Variants in SLC35F3 observed in about 807,000 individuals in gnomAD.
SLC35F3 encodes the protein putative thiamine transporter SLC35F3.
In SLC35F3, 25 loss-of-function variants were observed where a neutral mutation model predicts 49.9. That is an observed-to-expected ratio of 0.50 (90% CI 0.37 to 0.70). The LOEUF is 0.70. Ranked by LOEUF, SLC35F3 falls within the 30% of genes least tolerant of loss-of-function variation. The pLI is 0.00. For synonymous variants in SLC35F3, 275 were observed against 265.4 expected (o/e 1.04, Z -0.35); for missense variants, 525 against 639.8 (o/e 0.82, Z 1.94).
chr1:233,963,431 G>A lies in SLC35F3; in HGVS notation c.283+57673G>A, dbSNP rs561624001. Reference sequence around the variant, plus strand: ...TTCTTCTGCCTCAGCCTCCCAAGTAGCTGGTACTACAGGAACCCGCCACCA... The same window carrying A: ...TTCTTCTGCCTCAGCCTCCCAAGTAACTGGTACTACAGGAACCCGCCACCA... On this transcript the variant is annotated intron_variant, in intron 2 of 7. Transcript: ENST00000366618. Among the ~76,000 whole-genome samples the A allele has an allele frequency of 1.1e-3, 168 of 152,054 alleles. 1 individual carries two copies. The highest frequency in any genetic ancestry group is 3.6e-3 in the African/African-American group (151 of 41,484).
At chr1:233,994,073 C>T (rs1168975707) in intron 2 of SLC35F3, among the ~76,000 whole-genome samples, 1 of 152,184 alleles carries the variant, frequency 6.6e-6, no homozygotes, top group Non-Finnish European at 1.5e-5. Flanking sequence ...GAGTCAAAGG[C>T]CAAGTTCCTG....
intron 2 of SLC35F3, among the ~76,000 whole-genome samples, chr1:234,153,389 G>A (rs1455596467): frequency 2.6e-5 from 4 of 152,098 alleles, no homozygotes; most frequent in African/African-American, 4.8e-5. Context: ...TGGGAGGACT[G>A]TTTGAGGCCA....
intron 2 of SLC35F3, among the ~76,000 whole-genome samples, chr1:234,226,961 GCACACA>G (rs57809897): frequency 2.0e-5 from 3 of 148,638 alleles, no homozygotes; most frequent in African/African-American, 7.5e-5. Context: ...GCGCACGCGT[GCACACA>G]CACACACACA....
At chr1:233,929,234 T>C (rs1275429169) in intron 2 of SLC35F3, among the ~76,000 whole-genome samples, 1 of 152,198 alleles carries the variant, frequency 6.6e-6, no homozygotes, top group Non-Finnish European at 1.5e-5. Flanking sequence ...GGGCTGCCAA[T>C]TCCGTTGGTG....
chr1:234,005,313 C>T (rs1407914752), intron 2 of SLC35F3, among the ~76,000 whole-genome samples: 1 of 152,116 alleles, frequency 6.6e-6, no homozygotes, highest in Admixed American at 6.6e-5. Context: ...TACGGTGAAA[C>T]CATTTTCTTG....
intron 2 of SLC35F3, among the ~76,000 whole-genome samples, chr1:234,022,058 G>T (rs192491154): frequency 6.6e-6 from 1 of 152,236 alleles, no homozygotes; most frequent in Admixed American, 6.5e-5. Context: ...TTCTCAAAAA[G>T]GTCAAAGGAG....
At chr1:233,959,705 T>C (rs1409188726) in intron 2 of SLC35F3, among the ~76,000 whole-genome samples, 2 of 152,222 alleles carry the variant, frequency 1.3e-5, no homozygotes, top group African/African-American at 2.4e-5. Flanking sequence ...TCTTATCTTC[T>C]AAGTTTCAGC....
chr1:233,964,262 C>G (rs2102813413), intron 2 of SLC35F3, among the ~76,000 whole-genome samples: 1 of 152,274 alleles, frequency 6.6e-6, no homozygotes, highest in East Asian at 1.9e-4. Flanking sequence ...TAGTTAGTGC[C>G]AAGAGGGGTA....
chr1:233,980,722 G>A (rs1180799109), intron 2 of SLC35F3, among the ~76,000 whole-genome samples: 1 of 152,152 alleles, frequency 6.6e-6, no homozygotes, highest in Non-Finnish European at 1.5e-5. Context: ...AAAGAATGAT[G>A]ATGATTTTGT....
chr1:234,106,436 C>T (rs544073518), intron 2 of SLC35F3, among the ~76,000 whole-genome samples: 4 of 152,194 alleles, frequency 2.6e-5, no homozygotes, highest in Admixed American at 6.5e-5. Flanking sequence ...ATTCTGGAGG[C>T]TGGAAGACCA....
At chr1:233,959,772 G>T (rs1300958569) in intron 2 of SLC35F3, among the ~76,000 whole-genome samples, 1 of 152,148 alleles carries the variant, frequency 6.6e-6, no homozygotes, top group Non-Finnish European at 1.5e-5. Context: ...GGCAGAGTGG[G>T]GATTAGATCC....
chr1:234,032,643 T>A (rs1390826907), intron 2 of SLC35F3, among the ~76,000 whole-genome samples: 1 of 152,252 alleles, frequency 6.6e-6, no homozygotes, highest in Non-Finnish European at 1.5e-5. Context: ...TCACTTAGAA[T>A]AATGGTCTCC....
At chr1:234,075,107 A>G (rs928087828) in intron 2 of SLC35F3, among the ~76,000 whole-genome samples, 2 of 152,242 alleles carry the variant, frequency 1.3e-5, no homozygotes, top group African/African-American at 4.8e-5. Flanking sequence ...AGTACTAACA[A>G]TGTGGAAATC....
chr1:234,230,394 TCTC>T (rs140977446), intron 2 of SLC35F3, among the ~76,000 whole-genome samples: 5,210 of 152,292 alleles, frequency 0.034, 327 homozygotes, highest in African/African-American at 0.12. Flanking sequence ...TCAGGACTCA[TCTC>T]CTCCCCTAGA....
chr1:234,171,687 G>C (rs1666401710), intron 2 of SLC35F3, among the ~76,000 whole-genome samples: 1 of 152,144 alleles, frequency 6.6e-6, no homozygotes, highest in Admixed American at 6.5e-5. Context: ...AGGAAAGAGA[G>C]GATAGGGAGG....
rs1572085664 is a variant in SLC35F3 at position 234,184,739 on chromosome 1, G to A, written c.284-46678G>A. On this transcript the variant is annotated intron_variant, in intron 2 of 7. Transcript: ENST00000366618. ...GGACTCAGCTCCGCAGGCCATGGTG[G>A]AGAATAGGTGAAAGAGCCCATGATG... is the stretch of plus-strand genomic sequence containing the variant. Among the ~76,000 whole-genome samples the A allele has an allele frequency of 2.0e-5, 3 of 152,278 alleles. 1 individual carries two copies. The highest frequency in any genetic ancestry group is 2.1e-4 in the South Asian group (1 of 4,810).
chr1:234,075,996 ACAGACCG>A (rs6143675), intron 2 of SLC35F3, among the ~76,000 whole-genome samples: 6,030 of 152,246 alleles, frequency 0.04, 381 homozygotes, highest in African/African-American at 0.14. Flanking sequence ...GGAGAAAGGC[ACAGACCG>A]CAGACTGTTT....
At chr1:233,999,419 C>T (rs755468919) in intron 2 of SLC35F3, among the ~76,000 whole-genome samples, 3 of 152,202 alleles carry the variant, frequency 2.0e-5, no homozygotes, top group Admixed American at 6.5e-5. Context: ...ATTTCTCTGC[C>T]GCTCCATATC....
chr1:234,029,398 A>G (rs761138999), intron 2 of SLC35F3, among the ~76,000 whole-genome samples: 7 of 152,176 alleles, frequency 4.6e-5, no homozygotes, highest in Non-Finnish European at 1.0e-4. Flanking sequence ...GGATCTTGCT[A>G]TTGAGGAGCA....
Sources: allele counts gnomAD v4.1 joint callset (sites outside exome capture counted in the v4.1 genomes callset), GRCh38; gene constraint gnomAD v4.1.1; transcripts MANE v1.5; gene names NCBI Gene and HGNC (gene_info 2026-07-23, HGNC 2026-07-21).